FCRLA: variants seen among roughly 807,000 people sequenced by gnomAD.
FCRLA encodes the protein Fc receptor-like A.
Under a neutral mutation model 28.4 loss-of-function variants are expected in FCRLA, and 26 were observed. The observed-to-expected ratio is 0.91, with a 90% confidence interval of 0.67 to 1.27. FCRLA has a LOEUF of 1.27. Ranked by LOEUF, FCRLA falls within the 50% of genes most tolerant of loss-of-function variation. The pLI is 0.00. For synonymous variants in FCRLA, 174 were observed against 168.5 expected (o/e 1.03, Z -0.25); for missense variants, 422 against 433.1 (o/e 0.97, Z 0.23).
At chr1:161,712,682 C>A (rs1405493643) in intron 4 of FCRLA, among the ~76,000 whole-genome samples, 1 of 152,086 alleles carries the variant, frequency 6.6e-6, no homozygotes, top group East Asian at 1.9e-4. Context: ...GAGATGCTAT[C>A]CTGAAGAGGA....
rs769555728 is a variant in FCRLA at position 161,712,007 on chromosome 1, T to C, written c.573T>C (p.Ser191=). The C allele has an allele frequency of 1.2e-6, 2 of 1,613,952 alleles. No individual in the cohort carries two copies. Among genetic ancestry groups the C allele is most frequent in the African/African-American group, 2.7e-5 (2 of 74,862 alleles). ...AAGCAGGAAGCCCCATGACCCTGAG[T>C]TGTCAGACAAAGTTGCCCCTGCAGA... is the stretch of plus-strand genomic sequence containing the variant. ...EPQAGSPMTL[S]CQTKLPLQRS... Residue 191 remains serine (S), a synonymous_variant, in exon 4 of 5, where the codon AGT becomes AGC. Transcript: ENST00000236938.
chr1:161,711,709 C>T, intron 3 of FCRLA: 1 of 731,798 alleles, frequency 1.4e-6, no homozygotes, highest in South Asian at 1.8e-5. Context: ...TCCTAGTGCT[C>T]ACTGATTGGG....
At chr1:161,712,784 C>T (rs1683169011) in intron 4 of FCRLA, among the ~76,000 whole-genome samples, 1 of 152,194 alleles carries the variant, frequency 6.6e-6, no homozygotes, top group South Asian at 2.1e-4. Context: ...AATAAAGAGG[C>T]TGACCTAGAA....
intron 4 of FCRLA, among the ~76,000 whole-genome samples, chr1:161,712,790 T>G (rs2101662531): frequency 6.6e-6 from 1 of 152,320 alleles, no homozygotes; most frequent in South Asian, 2.1e-4. Context: ...GAGGCTGACC[T>G]AGAACCAGTT....
At chr1:161,712,590 A>G (rs1000930126) in intron 4 of FCRLA, among the ~76,000 whole-genome samples, 1 of 152,168 alleles carries the variant, frequency 6.6e-6, no homozygotes, top group African/African-American at 2.4e-5. Flanking sequence ...GCTGCACTTG[A>G]CCTGAAACAC....
intron 2 of FCRLA, 128 bp downstream of exon 2, chr1:161,711,040 G>T (rs1571063033): frequency 6.9e-7 from 1 of 1,451,266 alleles, no homozygotes; most frequent in East Asian, 2.3e-5. Flanking sequence ...TCAGCCCACA[G>T]CAACCAGGGT....
chr1:161,709,818 GAGAT>G (rs1034633679), intron 1 of FCRLA, among the ~76,000 whole-genome samples: 1 of 152,184 alleles, frequency 6.6e-6, no homozygotes, highest in African/African-American at 2.4e-5. Flanking sequence ...ATGAAGGTAA[GAGAT>G]AGGTTGAGGA....
chr1:161,708,752 A>G (rs958474169), intron 1 of FCRLA, among the ~76,000 whole-genome samples: 1 of 152,198 alleles, frequency 6.6e-6, no homozygotes, highest in Non-Finnish European at 1.5e-5. Flanking sequence ...CTCAGCTTAA[A>G]TGGTATCTTT....
At chr1:161,711,060 C>T in intron 2 of FCRLA, 148 bp downstream of exon 2, 1 of 1,428,408 alleles carries the variant, frequency 7.0e-7, no homozygotes, top group Non-Finnish European at 9.5e-7. Context: ...TGCTCTAAGT[C>T]CTAGGCCCTA....
intron 2 of FCRLA, 29 bp downstream of exon 2, chr1:161,710,941 C>T (rs1453222638): frequency 3.6e-5 from 58 of 1,608,620 alleles, no homozygotes; most frequent in Non-Finnish European, 4.2e-5. Flanking sequence ...CTGAGCAGTG[C>T]CCCAAACCCC....
At chr1:161,711,006 G>T in intron 2 of FCRLA, 94 bp downstream of exon 2, 1 of 1,538,594 alleles carries the variant, frequency 6.5e-7, no homozygotes, top group Admixed American at 1.8e-5. Context: ...TTGGCTATGG[G>T]ATGAGGTACT....
In FCRLA at chr1:161,711,371, G is replaced by A; in HGVS notation, c.396G>A (p.Val132=). Residue 132 remains valine, a synonymous_variant, in exon 3 of 5, where the codon GTG becomes GTA. Transcript: ENST00000236938. The part of the protein sequence containing the change: ...PGPNREFSIT[V]VQKADSGHYH... ...CTAACAGGGAATTCTCCATCACCGT[G>A]GTACAAAAGGCAGACAGCGGGCACT... 9 of 1,614,178 alleles carry A rather than the reference G, an allele frequency of 5.6e-6. No homozygotes were observed. Among genetic ancestry groups the A allele is most frequent in the Non-Finnish European group, 7.6e-6 (9 of 1,180,032 alleles).
At chr1:161,709,917 GA>G (rs1237696641) in intron 1 of FCRLA, among the ~76,000 whole-genome samples, 11 of 152,076 alleles carry the variant, frequency 7.2e-5, no homozygotes, top group Admixed American at 5.2e-4. Flanking sequence ...GGGAGGAGGG[GA>G]AAAAAGACAG....
In FCRLA at chr1:161,711,095, C is replaced by G. The variant is rs1003536448; in HGVS notation, c.233-113C>G. The G allele has an allele frequency of 6.8e-6, 10 of 1,478,722 alleles. No individual in the cohort carries two copies. In the African/African-American group the frequency reaches 7.0e-5, roughly 10 times the overall value. 91.6% of individuals were successfully genotyped at this position (1,478,722 alleles called of 1,614,324 possible). ...AGGGAAGTTGTCCCATACTCCCAACCAGGGGTGAGAGTTTACCTGGACCCT... is the reference window on the plus strand; with the variant it reads ...AGGGAAGTTGTCCCATACTCCCAACGAGGGGTGAGAGTTTACCTGGACCCT... On this transcript the variant is annotated intron_variant, in intron 2 of 4. Transcript: ENST00000236938.
chr1:161,710,213 C>A, intron 1 of FCRLA: 1 of 528,692 alleles, frequency 1.9e-6, no homozygotes, highest in Non-Finnish European at 3.4e-6. Context: ...GACACACCTG[C>A]CTTTCCCGAT....
intron 1 of FCRLA, chr1:161,710,378 C>T: frequency 8.6e-7 from 1 of 1,157,274 alleles, no homozygotes; most frequent in South Asian, 1.3e-5. Flanking sequence ...GGTCTGGCAC[C>T]CAGTGAACAT....
In FCRLA at chr1:161,713,647, T is replaced by C. The variant is rs1266667107; in HGVS notation, c.*267T>C. ...GTTATATCGACCAGAATGTTGTGATTTAAAGAGAACTAATGGAAGTGGATT... is the reference window on the plus strand; with the variant it reads ...GTTATATCGACCAGAATGTTGTGATCTAAAGAGAACTAATGGAAGTGGATT... On this transcript the variant is annotated 3_prime_UTR_variant, in exon 5 of 5. Transcript: ENST00000236938. 6.0e-6 allele frequency: 2 copies of C among 333,756 alleles called. No homozygotes were observed. The highest frequency in any genetic ancestry group is 9.3e-5 in the Admixed American group (2 of 21,464). The allele number at this position is 333,756 out of a possible 1,614,324, so 20.7% of individuals were successfully genotyped here. A position where few individuals can be genotyped will look rare whatever the true frequency, so the allele number is the denominator to read the frequency against.
At chr1:161,712,908 G>T (rs1683174029) in intron 4 of FCRLA, among the ~76,000 whole-genome samples, 177 bp from the exon 5 acceptor site, 1 of 152,204 alleles carries the variant, frequency 6.6e-6, no homozygotes, top group Admixed American at 6.5e-5. Flanking sequence ...ATTTCAAACA[G>T]AAGTGGCCAA....
At chr1:161,709,354 A>G (rs1459848737) in intron 1 of FCRLA, among the ~76,000 whole-genome samples, 1 of 151,492 alleles carries the variant, frequency 6.6e-6, no homozygotes, top group East Asian at 1.9e-4. Flanking sequence ...CTGGTCTCAA[A>G]CTCCTGGGCT....
Sources: gnomAD v4.1 joint callset for allele counts (sites outside exome capture counted in the v4.1 genomes callset) on GRCh38, gnomAD v4.1.1 for gene constraint, MANE v1.5 for transcripts, NCBI Gene and HGNC (gene_info 2026-07-23, HGNC 2026-07-21) for gene names.